Variants in NF1 observed in about 807,000 individuals in gnomAD.
The protein encoded by NF1 is neurofibromin 1, also known as neurofibromin.
Under a neutral mutation model 325.7 loss-of-function variants are expected in NF1, and 122 were observed. That is an observed-to-expected ratio of 0.37 (90% CI 0.32 to 0.44). NF1 has a LOEUF of 0.44. Ranked by LOEUF, NF1 falls within the 20% of genes least tolerant of loss-of-function variation. NF1 has a pLI of 1.00. For missense variants in NF1, 2,140 were observed against 3,415.4 expected (o/e 0.63, Z 9.31); for synonymous variants, 1,091 against 1,186.0 (o/e 0.92, Z 1.65).
At chr17:31,256,993 T>C (rs1212453311) in intron 31 of NF1, among the ~76,000 whole-genome samples, 2 of 152,222 alleles carry the variant, frequency 1.3e-5, no homozygotes, top group African/African-American at 4.8e-5. Context: ...TTTGAGGTTA[T>C]AAGCAGTGAT....
Position 31,377,316 on chromosome 17 carries a change from G to C in NF1, c.*3161G>C. On this transcript the variant is annotated 3_prime_UTR_variant, in exon 58 of 58. Transcript: ENST00000358273. ...TGTAAAGCAGTTAGTTGCTGCACAT[G>C]GATAACAACAAAAATTTGATTATTC... 1 of 233,340 alleles carries C rather than the reference G, an allele frequency of 4.3e-6. No individual in the cohort carries two copies. The highest frequency in any genetic ancestry group is 6.1e-5 in the East Asian group (1 of 16,512). The allele number at this position is 233,340 out of a possible 1,614,324, so 14.5% of individuals were successfully genotyped here.
intron 5 of NF1, among the ~76,000 whole-genome samples, chr17:31,172,064 T>C (rs982689767): frequency 6.6e-6 from 1 of 152,092 alleles, no homozygotes. Flanking sequence ...TTAATAAAAA[T>C]ATGGCCAGGC....
intron 57 of NF1, among the ~76,000 whole-genome samples, chr17:31,361,836 A>G (rs543859685): frequency 6.6e-6 from 1 of 152,350 alleles, no homozygotes; most frequent in East Asian, 1.9e-4. Context: ...CTATTATGTA[A>G]TTAACTATAT....
chr17:31,340,160 AAAG>A, intron 46 of NF1: 1 of 303,506 alleles, frequency 3.3e-6, no homozygotes, highest in Non-Finnish European at 6.3e-6. Context: ...CCTTTATAAT[AAAG>A]AAGGTTGGCA....
intron 36 of NF1, among the ~76,000 whole-genome samples, chr17:31,308,432 C>T (rs1448899733): frequency 2.0e-5 from 3 of 152,248 alleles, no homozygotes; most frequent in Non-Finnish European, 2.9e-5. Context: ...TGAGCCACCA[C>T]GCCTGGCCTG....
chr17:31,250,129 T>C (rs183543362), intron 30 of NF1: 149 of 381,958 alleles, frequency 3.9e-4, no homozygotes, highest in African/African-American at 2.9e-3. Context: ...TTTCACGGTA[T>C]ACATAGATGA....
intron 17 of NF1, among the ~76,000 whole-genome samples, chr17:31,226,116 G>A (rs1375864600): frequency 6.6e-6 from 1 of 151,798 alleles, no homozygotes; most frequent in African/African-American, 2.4e-5. Context: ...TTTACGTTAT[G>A]GTGTTTACCT....
intron 39 of NF1, chr17:31,331,701 G>A (rs2069492448): frequency 6.6e-6 from 1 of 151,830 alleles, no homozygotes; most frequent in Non-Finnish European, 1.5e-5. Context: ...TACACCATAA[G>A]ATACCAAGTA....
At chr17:31,246,607 C>T (rs941281748) in intron 29 of NF1, among the ~76,000 whole-genome samples, 1 of 152,130 alleles carries the variant, frequency 6.6e-6, no homozygotes, top group Admixed American at 6.6e-5. Context: ...ATAAAACACA[C>T]AACAGATAAG....
At chr17:31,360,350 C>A (rs891576235) in intron 56 of NF1, 137 bp from the exon 57 acceptor site, 7 of 736,002 alleles carry the variant, frequency 9.5e-6, no homozygotes, top group Non-Finnish European at 1.6e-5. Flanking sequence ...TATTACTCCA[C>A]TCCCCTTTTT....
At chr17:31,251,942 C>T (rs1395689181) in intron 30 of NF1, 1 of 214,970 alleles carries the variant, frequency 4.7e-6, no homozygotes, top group African/African-American at 2.3e-5. Flanking sequence ...GAATAAGATG[C>T]CATCTATTTG....
In NF1 at chr17:31,214,468, A is replaced by C. The variant is rs786203090; in HGVS notation, c.1410A>C (p.Glu470Asp). ...GTTTTTAGAGTCTTACATTTAAAGA[A>C]AAAGTAACAAGCCTTAAATTTAAAG... ...IRMAPSLTFK[E>D]KVTSLKFKEK... The change falls in exon 13 of 58, where the codon GAA (glutamate) becomes GAC (aspartate). Residue 470 changes from glutamate to aspartate, a missense_variant. Glu to Asp is a conservative substitution (Grantham distance 45). Around this residue, in one of 10 missense-constraint regions of NF1, gnomAD observed 179 missense variants for 381.0 expected, o/e 0.47. Transcript: ENST00000358273. The C allele has an allele frequency of 6.2e-7, 1 of 1,602,606 alleles. No homozygotes were observed. Among genetic ancestry groups the C allele is most frequent in the African/African-American group, 1.3e-5 (1 of 74,674 alleles).
chr17:31,367,323 C>A, intron 57 of NF1: 1 of 1,194,086 alleles, frequency 8.4e-7, no homozygotes, highest in Non-Finnish European at 1.1e-6. Flanking sequence ...ACTGCTTACC[C>A]CACACTCATC....
At chr17:31,213,315 T>G (rs2066761415) in intron 12 of NF1, among the ~76,000 whole-genome samples, 1 of 152,230 alleles carries the variant, frequency 6.6e-6, no homozygotes, top group South Asian at 2.1e-4. Context: ...GTGACATTCT[T>G]GAGTATAAAT....
In NF1 at chr17:31,375,731, T is replaced by A. The variant is rs1299534232; in HGVS notation, c.*1576T>A. The A allele has an allele frequency of 4.3e-6, 1 of 232,674 alleles. No individual in the cohort carries two copies. The highest frequency in any genetic ancestry group is 8.5e-6 in the Non-Finnish European group (1 of 117,468). The allele number at this position is 232,674 out of a possible 1,614,324, so 14.4% of individuals were successfully genotyped here. On this transcript the variant is annotated 3_prime_UTR_variant, in exon 58 of 58. Coordinates refer to ENST00000358273, the MANE Select transcript of NF1 (RefSeq NM_001042492.3). ...CCACAGCTAATTCAATAAATAATGG[T>A]ACATTTAAGTGTTCTGATTTTAATA...
chr17:31,117,705 G>GAAAAAAAAAAA (rs1302841931), intron 1 of NF1, among the ~76,000 whole-genome samples: 9 of 59,186 alleles, frequency 1.5e-4, no homozygotes, highest in Non-Finnish European at 2.5e-4. Context: ...AAAAAAAAAG[G>GAAAAAAAAAAA]AATAGTGATT....
intron 1 of NF1, among the ~76,000 whole-genome samples, chr17:31,149,389 C>G (rs564814855): frequency 6.6e-6 from 1 of 152,144 alleles, no homozygotes; most frequent in African/African-American, 2.4e-5. Context: ...GCCTCTGCCC[C>G]CTGGGTTGAA....
At chr17:31,129,479 C>G (rs1053728364) in intron 1 of NF1, among the ~76,000 whole-genome samples, 4 of 135,226 alleles carry the variant, frequency 3.0e-5, no homozygotes, top group African/African-American at 1.1e-4. Context: ...TTTTTTGAGA[C>G]AGAGTAGTGA....
chr17:31,248,855 T>C, intron 29 of NF1, 129 bp from the exon 30 acceptor site: 1 of 855,046 alleles, frequency 1.2e-6, no homozygotes, highest in South Asian at 1.6e-5. Context: ...TAGTTGGTTG[T>C]TTAAAGATTC....
Sources: allele counts gnomAD v4.1 joint callset (sites outside exome capture counted in the v4.1 genomes callset), GRCh38; gene constraint gnomAD v4.1.1; regional missense constraint gnomAD v4.1.1; transcripts MANE v1.5; gene names NCBI Gene and HGNC (gene_info 2026-07-23, HGNC 2026-07-21).